The following LGR4 variants were observed in gnomAD, a reference collection of about 807,000 sequenced individuals.
LGR4 encodes leucine rich repeat containing G protein-coupled receptor 4.
A neutral mutation model predicts 84.8 loss-of-function variants in LGR4; 44 were observed. The ratio of observed to expected loss-of-function variants is 0.52; its 90% confidence interval spans 0.41 to 0.67. The LOEUF (loss-of-function observed/expected upper bound fraction) is 0.67. LGR4 is among the 30% of genes least tolerant of loss of function. LGR4 has a pLI of 0.00. For synonymous variants in LGR4, 429 were observed against 434.3 expected (o/e 0.99, Z 0.15); for missense variants, 1,032 against 1,131.4 (o/e 0.91, Z 1.26).
At position 27,472,639 on chromosome 11, in the gene LGR4, T is replaced by C; in HGVS notation, c.-337A>G. On this transcript the variant is annotated 5_prime_UTR_variant, in exon 1 of 18. Coordinates refer to ENST00000379214, the MANE Select transcript of LGR4 (RefSeq NM_018490.5). Reference sequence around the variant, plus strand: ...CCCTGGCCTCTCAATGCAGCGGCTCTTCAAGGTTGCAGAGCGCAGCCTTCA... The same window carrying C: ...CCCTGGCCTCTCAATGCAGCGGCTCCTCAAGGTTGCAGAGCGCAGCCTTCA... 1 of 356,730 alleles carries C rather than the reference T, an allele frequency of 2.8e-6. No individual in the cohort carries two copies. The highest frequency in any genetic ancestry group is 4.1e-5 in the East Asian group (1 of 24,156). The allele number at this position is 356,730 out of a possible 1,614,324, so 22.1% of individuals were successfully genotyped here.
At chr11:27,378,999 G>A (rs958161228) in intron 10 of LGR4, 1 of 512,996 alleles carries the variant, frequency 1.9e-6, no homozygotes, top group African/African-American at 2.0e-5. Flanking sequence ...TTGATACTGG[G>A]CTTGATTTCC....
Position 27,380,916 on chromosome 11 carries a change from C to T in LGR4, c.809G>A (p.Gly270Asp). ...ISVIPDGAFD[G>D]NPLLRTIHLY... ...TTACATAGTTCTTAAGAGTGGATTA[C>T]CATCAAATGCTCCATCAGGGATAAC... Residue 270 changes from glycine to aspartate, a missense_variant, in exon 8 of 18, where the codon GGT becomes GAT. Coordinates refer to ENST00000379214, the MANE Select transcript of LGR4 (RefSeq NM_018490.5). 1 of 1,550,186 alleles carries T rather than the reference C, an allele frequency of 6.5e-7. No homozygotes were observed. The highest frequency in any genetic ancestry group is 8.9e-7 in the Non-Finnish European group (1 of 1,122,488).
intron 1 of LGR4, among the ~76,000 whole-genome samples, chr11:27,416,536 A>G (rs1394336506): frequency 6.6e-6 from 1 of 152,146 alleles, no homozygotes; most frequent in African/African-American, 2.4e-5. Context: ...GAGACACCAC[A>G]CTGCCTTTGT....
chr11:27,419,329 C>T (rs552751640), intron 1 of LGR4, among the ~76,000 whole-genome samples: 16 of 151,660 alleles, frequency 1.1e-4, no homozygotes, highest in African/African-American at 2.2e-4. Flanking sequence ...ATAGTAGTTA[C>T]GAAGGAAATG....
At chr11:27,392,346 C>G (rs1863300983) in intron 3 of LGR4, 101 bp downstream of exon 3, 11 of 940,020 alleles carry the variant, frequency 1.2e-5, no homozygotes, top group Non-Finnish European at 1.7e-5. Flanking sequence ...TCTTTTAATC[C>G]TGAACTAAAA....
chr11:27,444,533 T>C (rs968483428), intron 1 of LGR4, among the ~76,000 whole-genome samples: 5 of 152,142 alleles, frequency 3.3e-5, no homozygotes, highest in Non-Finnish European at 1.5e-5. Flanking sequence ...TCCTTAAAAA[T>C]CACACACAAG....
chr11:27,418,127 T>C (rs4567411), intron 1 of LGR4, among the ~76,000 whole-genome samples: 7,898 of 152,276 alleles, frequency 0.052, 249 homozygotes, highest in Middle Eastern at 0.095. Context: ...AAGATGTTAT[T>C]ATCAATAGGT....
intron 2 of LGR4, among the ~76,000 whole-genome samples, chr11:27,397,486 C>T (rs1486245193): frequency 6.6e-6 from 1 of 152,158 alleles, no homozygotes; most frequent in Non-Finnish European, 1.5e-5. Context: ...TATAATGTCT[C>T]CGCTAAGCCC....
chr11:27,444,487 T>A (rs1397713504), intron 1 of LGR4, among the ~76,000 whole-genome samples: 3 of 151,434 alleles, frequency 2.0e-5, no homozygotes, highest in Non-Finnish European at 4.4e-5. Context: ...AGACAAAGGG[T>A]CATACAAGTT....
At position 27,426,736 on chromosome 11, in the gene LGR4, C is replaced by G. The variant is rs187825005; in HGVS notation, c.186-13876G>C. ...TGCAATCACCATCTAATCTCACCATCTCATTTTAATAATGAGGGAACTGAG... is the reference window on the plus strand; with the variant it reads ...TGCAATCACCATCTAATCTCACCATGTCATTTTAATAATGAGGGAACTGAG... On this transcript the variant is annotated intron_variant, in intron 1 of 17. Coordinates refer to ENST00000379214, the MANE Select transcript of LGR4 (RefSeq NM_018490.5). 1.2e-4 allele frequency among the ~76,000 whole-genome samples: 18 copies of G among 152,320 alleles called. No individual in the cohort carries two copies. The East Asian group carries it at 3.5e-3, about 29-fold the overall frequency.
intron 10 of LGR4, chr11:27,378,974 T>C (rs1863039364): frequency 1.8e-6 from 1 of 555,458 alleles, no homozygotes; most frequent in Non-Finnish European, 3.1e-6. Flanking sequence ...TCAAAAACAC[T>C]TGTGACATTA....
At chr11:27,439,901 CTT>C (rs1164372130) in intron 1 of LGR4, among the ~76,000 whole-genome samples, 4,736 of 100,380 alleles carry the variant, frequency 0.047, 133 homozygotes, top group African/African-American at 0.15. Flanking sequence ...TAGGATTTCT[CTT>C]TTTTTTTTTT....
At chr11:27,378,504 C>T (rs563622679) in intron 11 of LGR4, among the ~76,000 whole-genome samples, 193 bp downstream of exon 11, 1 of 152,270 alleles carries the variant, frequency 6.6e-6, no homozygotes, top group East Asian at 1.9e-4. Context: ...ATGATATATT[C>T]AAAACCCTAA....
At chr11:27,370,531 T>C (rs1862861862) in intron 17 of LGR4, among the ~76,000 whole-genome samples, 1 of 152,202 alleles carries the variant, frequency 6.6e-6, no homozygotes, top group African/African-American at 2.4e-5. Context: ...CCAGCTCTCC[T>C]CCACTTCCTG....
At position 27,472,089 on chromosome 11, in the gene LGR4, C is replaced by A. The variant is rs774513168; in HGVS notation, c.185+29G>T. The A allele has an allele frequency of 2.2e-4, 281 of 1,284,714 alleles. 6 individuals are homozygous for A. Among genetic ancestry groups the A allele is most frequent in the African/African-American group, 1.1e-3 (67 of 63,560 alleles). The allele number at this position is 1,284,714 out of a possible 1,614,324, so 79.6% of individuals were successfully genotyped here. The stretch of plus-strand genomic sequence containing the variant: ...CCCGCTGGGCCCCGTTTCCTCCCCC[C>A]CCCTCGCGTCCCCGCCGCCCGCACT... On this transcript the variant is annotated intron_variant, in intron 1 of 17. Coordinates refer to ENST00000379214, the MANE Select transcript of LGR4 (RefSeq NM_018490.5).
chr11:27,391,192 T>C (rs754993738), intron 3 of LGR4, 27 bp from the exon 4 acceptor site: 43 of 1,249,676 alleles, frequency 3.4e-5, no homozygotes, highest in Middle Eastern at 3.8e-4. Flanking sequence ...GGTTAGTGAG[T>C]AACAAGTGAT....
chr11:27,435,736 C>A (rs1167946929), intron 1 of LGR4, among the ~76,000 whole-genome samples: 1 of 151,832 alleles, frequency 6.6e-6, no homozygotes, highest in African/African-American at 2.4e-5. Flanking sequence ...GATCCTCCCA[C>A]CTCAGCCTCC....
At chr11:27,435,377 A>C (rs1215328458) in intron 1 of LGR4, among the ~76,000 whole-genome samples, 1 of 152,020 alleles carries the variant, frequency 6.6e-6, no homozygotes, top group African/African-American at 2.4e-5. Context: ...AAAAACTCAG[A>C]GATAACAATG....
chr11:27,428,266 A>G lies in LGR4; in HGVS notation c.186-15406T>C, dbSNP rs201220427. 2.6e-5 allele frequency among the ~76,000 whole-genome samples: 4 copies of G among 151,640 alleles called. No individual in the cohort carries two copies. The East Asian group carries it at 7.8e-4, about 29-fold the overall frequency. On this transcript the variant is annotated intron_variant, in intron 1 of 17. Coordinates refer to ENST00000379214, the MANE Select transcript of LGR4 (RefSeq NM_018490.5). Reference sequence around the variant, plus strand: ...GATTCTCCTTCTCCAGCCTCCCGAGAGCTGGGATTACAGGCATCCACCACC... The same window carrying G: ...GATTCTCCTTCTCCAGCCTCCCGAGGGCTGGGATTACAGGCATCCACCACC...
Sources: gnomAD v4.1 joint callset for allele counts (sites outside exome capture counted in the v4.1 genomes callset) on GRCh38, gnomAD v4.1.1 for gene constraint, MANE v1.5 for transcripts, NCBI Gene and HGNC (gene_info 2026-07-23, HGNC 2026-07-21) for gene names.